MAST2: variants seen among roughly 807,000 people sequenced by gnomAD.
MAST2 encodes the protein microtubule-associated serine/threonine-protein kinase 2.
In MAST2, 70 loss-of-function variants were observed where a neutral mutation model predicts 147.4. The observed-to-expected ratio is 0.47, with a 90% CI of 0.39 to 0.58. MAST2 has a LOEUF of 0.58. MAST2 is among the 20% of genes least tolerant of loss of function. MAST2 has a pLI of 0.00. For synonymous variants in MAST2, 869 were observed against 896.8 expected (o/e 0.97, Z 0.55); for missense variants, 2,080 against 2,302.3 (o/e 0.90, Z 1.98).
At chr1:46,022,795 G>A (rs1646242576) in intron 12 of MAST2, 115 bp from the exon 13 acceptor site, 9 of 793,536 alleles carry the variant, frequency 1.1e-5, no homozygotes, top group Non-Finnish European at 2.0e-5. Flanking sequence ...CACATCCTAG[G>A]CTGATGCAAA....
chr1:45,966,837 T>C (rs916082846), intron 5 of MAST2, among the ~76,000 whole-genome samples: 8 of 148,028 alleles, frequency 5.4e-5, no homozygotes, highest in Non-Finnish European at 1.0e-4. Flanking sequence ...CAGCATTTGG[T>C]GGTGTCAGTG....
intron 3 of MAST2, among the ~76,000 whole-genome samples, chr1:45,869,821 A>T (rs537522908): frequency 6.6e-6 from 1 of 152,320 alleles, no homozygotes; most frequent in South Asian, 2.1e-4. Context: ...AGTTTGCACC[A>T]TTTGTTTCTC....
rs764324104 is a variant in MAST2 at position 46,034,831 on chromosome 1, C to T, written c.4162C>T (p.Leu1388Phe). ...CTTGTCACCTCCCCTGGGCAGGCAA[C>T]TCTCACGGCCCAAGAGTGCGGAGCC... ...LHLSPPLGRQ[L>F]SRPKSAEPPR... The change falls in exon 29 of 29, where the codon CTC becomes TTC. Residue 1388 changes from leucine (L) to phenylalanine (F), a missense_variant. Physicochemically the swap from Leu to Phe is conservative, Grantham distance 22. Around this residue, in one of 4 missense-constraint regions of MAST2, gnomAD observed 1,278 missense variants for 1,304.2 expected, o/e 0.98. Coordinates refer to ENST00000361297, the MANE Select transcript of MAST2 (RefSeq NM_015112.3). 1 of 1,614,216 alleles carries T rather than the reference C, an allele frequency of 6.2e-7. No homozygotes were observed.
rs200155302 is a variant in MAST2 at position 45,947,851 on chromosome 1, G to T, written c.501-11535G>T. Reference sequence around the variant, plus strand: ...TCTGCCTCAGCCTCCCGAGTAGCTGGGACTACAGTTGCCCGCCACCACACC... The same window carrying T: ...TCTGCCTCAGCCTCCCGAGTAGCTGTGACTACAGTTGCCCGCCACCACACC... On this transcript the variant is annotated intron_variant, in intron 4 of 28. Coordinates refer to ENST00000361297, the MANE Select transcript of MAST2 (RefSeq NM_015112.3). 8.5e-5 allele frequency among the ~76,000 whole-genome samples: 13 copies of T among 152,250 alleles called. No homozygotes were observed. The East Asian group carries it at 2.3e-3, about 27-fold the overall frequency.
intron 28 of MAST2, 90 bp from the exon 29 acceptor site, chr1:46,034,448 C>A: frequency 7.1e-7 from 1 of 1,405,792 alleles, no homozygotes; most frequent in Non-Finnish European, 9.7e-7. Flanking sequence ...TGGGACATAA[C>A]AGGGCTAAGC....
At chr1:46,034,296 A>T in intron 28 of MAST2, 30 bp downstream of exon 28, 1 of 1,581,498 alleles carries the variant, frequency 6.3e-7, no homozygotes, top group South Asian at 1.2e-5. Flanking sequence ...GATCAGTGAC[A>T]ACCCCTGGGA....
chr1:45,931,255 A>AT (rs1306408190), intron 4 of MAST2, among the ~76,000 whole-genome samples: 66 of 152,164 alleles, frequency 4.3e-4, no homozygotes, highest in Admixed American at 5.2e-4. Flanking sequence ...ACTTTTGAAG[A>AT]TTACAGACCA....
chr1:45,922,751 A>G (rs907157562), intron 4 of MAST2, among the ~76,000 whole-genome samples: 1 of 151,998 alleles, frequency 6.6e-6, no homozygotes, highest in Admixed American at 6.5e-5. Flanking sequence ...CACCCCACCA[A>G]CTCGGAAGGG....
intron 6 of MAST2, among the ~76,000 whole-genome samples, chr1:45,999,281 A>G (rs138794808): frequency 5.9e-5 from 9 of 152,256 alleles, no homozygotes; most frequent in Admixed American, 3.9e-4. Context: ...CTCCTACCCT[A>G]TGGAACTTCC....
chr1:45,984,751 G>A (rs1306365023), intron 5 of MAST2, among the ~76,000 whole-genome samples: 1 of 152,100 alleles, frequency 6.6e-6, no homozygotes, highest in Non-Finnish European at 1.5e-5. Flanking sequence ...ACTTTGGGAG[G>A]CCAACGCGGG....
At chr1:45,829,247 A>G (rs2147806634) in intron 2 of MAST2, among the ~76,000 whole-genome samples, 192 bp from the exon 3 acceptor site, 1 of 152,292 alleles carries the variant, frequency 6.6e-6, no homozygotes, top group South Asian at 2.1e-4. Context: ...TCCACTTGCC[A>G]TTATCATCAC....
chr1:45,849,797 A>T (rs891352601), intron 3 of MAST2, among the ~76,000 whole-genome samples: 20 of 152,170 alleles, frequency 1.3e-4, no homozygotes, highest in African/African-American at 4.6e-4. Flanking sequence ...AAGTGCTGGG[A>T]TTACAGGCGT....
intron 3 of MAST2, among the ~76,000 whole-genome samples, chr1:45,832,057 G>T (rs1440358123): frequency 6.6e-6 from 1 of 152,106 alleles, no homozygotes; most frequent in Non-Finnish European, 1.5e-5. Flanking sequence ...TGGGATTACA[G>T]GCGTGAGCCA....
chr1:45,842,478 C>G (rs867040707), intron 3 of MAST2, among the ~76,000 whole-genome samples: 1 of 152,170 alleles, frequency 6.6e-6, no homozygotes, highest in Non-Finnish European at 1.5e-5. Flanking sequence ...TCTCCCCACT[C>G]CCCTTCCATG....
intron 3 of MAST2, among the ~76,000 whole-genome samples, chr1:45,860,745 T>A (rs1225948206): frequency 1.3e-5 from 2 of 151,246 alleles, no homozygotes; most frequent in African/African-American, 2.4e-5. Flanking sequence ...GGCAGGAGAA[T>A]CACTTGAACC....
At chr1:45,805,017 C>G (rs1644097594) in intron 1 of MAST2, among the ~76,000 whole-genome samples, 1 of 150,212 alleles carries the variant, frequency 6.7e-6, no homozygotes, top group Non-Finnish European at 1.5e-5. Context: ...TCTCTTACCT[C>G]TTTTCTCTCA....
rs546983591 is a variant in MAST2, at chr1:46,023,574, T to C, written c.1572-198T>C. The C allele has an allele frequency of 3.7e-5, 23 of 627,122 alleles. 1 individual carries two copies. The South Asian group carries it at 4.5e-4, about 12-fold the overall frequency. 38.8% of individuals were successfully genotyped at this position (627,122 alleles called of 1,614,324 possible). A position where few individuals can be genotyped will look rare whatever the true frequency, so the allele number is the denominator to read the frequency against. Reference sequence around the variant, plus strand: ...TGAGCTCTGGGGAAGCATTGAGCCGTGTCATCAGGACATGGTCTATCAAGA... The same window carrying C: ...TGAGCTCTGGGGAAGCATTGAGCCGCGTCATCAGGACATGGTCTATCAAGA... On this transcript the variant is annotated intron_variant, in intron 14 of 28. Coordinates refer to ENST00000361297, the MANE Select transcript of MAST2 (RefSeq NM_015112.3). The surrounding 1 kb of genome is among the most constrained non-coding windows in gnomAD (Gnocchi z 4.9).
chr1:45,986,709 T>C (rs1644635482), intron 5 of MAST2, among the ~76,000 whole-genome samples: 1 of 98,686 alleles, frequency 1.0e-5, no homozygotes, highest in African/African-American at 4.0e-5. Context: ...ACAGAGAGAC[T>C]CCGTCTCAAA....
Position 46,023,553 on chromosome 1 carries a change from C to T in MAST2, c.1572-219C>T. On this transcript the variant is annotated intron_variant, in intron 14 of 28. Coordinates refer to ENST00000361297, the MANE Select transcript of MAST2 (RefSeq NM_015112.3). The surrounding 1 kb of genome is among the most constrained non-coding windows in gnomAD (Gnocchi z 4.9). Reference sequence around the variant, plus strand: ...TACCACGCATCCTCCATTCCCTGAGCTCTGGGGAAGCATTGAGCCGTGTCA... The same window carrying T: ...TACCACGCATCCTCCATTCCCTGAGTTCTGGGGAAGCATTGAGCCGTGTCA... 1 of 620,134 alleles carries T rather than the reference C, an allele frequency of 1.6e-6. No homozygotes were observed. Among genetic ancestry groups the T allele is most frequent in the Non-Finnish European group, 2.9e-6 (1 of 350,120 alleles). 38.4% of individuals were successfully genotyped at this position (620,134 alleles called of 1,614,324 possible). A position where few individuals can be genotyped will look rare whatever the true frequency, so the allele number is the denominator to read the frequency against.
Sources: gnomAD v4.1 joint callset for allele counts (sites outside exome capture counted in the v4.1 genomes callset) on GRCh38, gnomAD v4.1.1 for gene constraint, gnomAD v4.1.1 regional missense constraint, Gnocchi (gnomAD v3.1) non-coding constraint, MANE v1.5 for transcripts, NCBI Gene and HGNC (gene_info 2026-07-23, HGNC 2026-07-21) for gene names.